CACNA2D1: variants seen among roughly 807,000 people sequenced by gnomAD.
CACNA2D1 encodes voltage-dependent calcium channel subunit alpha-2/delta-1.
A neutral mutation model predicts 171.5 loss-of-function variants in CACNA2D1; 53 were observed. The ratio of observed to expected loss-of-function variants is 0.31; its 90% CI spans 0.25 to 0.39. CACNA2D1 has a LOEUF of 0.39. CACNA2D1 is among the 10% of genes least tolerant of loss of function. CACNA2D1 has a pLI of 1.00. For missense variants in CACNA2D1, 903 were observed against 1,299.8 expected (o/e 0.69, Z 4.69); for synonymous variants, 442 against 443.1 (o/e 1.00, Z 0.03).
chr7:82,383,717 A>C (rs543421445), intron 1 of CACNA2D1, among the ~76,000 whole-genome samples: 1 of 152,320 alleles, frequency 6.6e-6, no homozygotes, highest in African/African-American at 2.4e-5. Context: ...ACCCACCTCC[A>C]CAGGAACTTT....
chr7:82,381,077 C>T (rs1248449307), intron 1 of CACNA2D1, among the ~76,000 whole-genome samples: 1 of 151,884 alleles, frequency 6.6e-6, no homozygotes, highest in African/African-American at 2.4e-5. Context: ...CTCTGGGAGG[C>T]CGAGGTGGGC....
chr7:82,185,483 GAGGA>G (rs569269949), intron 3 of CACNA2D1, among the ~76,000 whole-genome samples: 22 of 27,474 alleles, frequency 8.0e-4, no homozygotes, highest in South Asian at 2.5e-3. Context: ...GGGGGAGGGG[GAGGA>G]GGAGGGGGAG....
intron 5 of CACNA2D1, among the ~76,000 whole-genome samples, chr7:82,136,389 G>A (rs1244203815): frequency 6.6e-6 from 1 of 151,964 alleles, no homozygotes; most frequent in African/African-American, 2.4e-5. Flanking sequence ...GAGGACTGTG[G>A]TCTGGAAAAA....
intron 34 of CACNA2D1, among the ~76,000 whole-genome samples, chr7:81,963,115 C>T (rs1224769768): frequency 6.6e-6 from 1 of 151,768 alleles, no homozygotes; most frequent in Admixed American, 6.6e-5. Context: ...CCAAGTATTT[C>T]AGGGTCATGA....
chr7:82,198,068 G>A (rs1435659141), intron 3 of CACNA2D1, among the ~76,000 whole-genome samples: 2 of 152,010 alleles, frequency 1.3e-5, no homozygotes, highest in East Asian at 3.9e-4. Flanking sequence ...GGTCCCAGGA[G>A]AATGCCATTC....
Position 81,947,061 on chromosome 7 carries a change from T to A in CACNA2D1, c.*3331A>T, listed in dbSNP as rs759380564. ...TCCATTTTGTTTCACTAGGTCAGAC[T>A]ATACCATTAAACATTTGAACGTCTA... On this transcript the variant is annotated 3_prime_UTR_variant, in exon 39 of 39. Transcript: ENST00000356860. 5 of 152,030 alleles carry A rather than the reference T, an allele frequency of 3.3e-5. No homozygotes were observed. The highest frequency in any genetic ancestry group is 5.9e-5 in the Non-Finnish European group (4 of 67,934). 9.4% of individuals were successfully genotyped at this position (152,030 alleles called of 1,614,324 possible). A position where few individuals can be genotyped will look rare whatever the true frequency, so the allele number is the denominator to read the frequency against.
chr7:82,228,749 A>C (rs984330729), intron 3 of CACNA2D1, among the ~76,000 whole-genome samples: 1 of 152,074 alleles, frequency 6.6e-6, no homozygotes, highest in African/African-American at 2.4e-5. Context: ...CCCACTGCAA[A>C]CGTTTTATTA....
At chr7:82,156,825 A>G (rs1387180341) in intron 4 of CACNA2D1, among the ~76,000 whole-genome samples, 1 of 152,100 alleles carries the variant, frequency 6.6e-6, no homozygotes, top group Non-Finnish European at 1.5e-5. Flanking sequence ...TGCATTATTA[A>G]TCTGTCATGA....
rs116314234 is a variant in CACNA2D1, at chr7:82,241,898, T to C, written c.295-71289A>G. The stretch of plus-strand genomic sequence containing the variant: ...TGTCATTTTTCACAGTATGGTCCTA[T>C]TGAAAACCTTAACACAGAGAACATA... On this transcript the variant is annotated intron_variant, in intron 3 of 38. Coordinates refer to ENST00000356860, the MANE Select transcript of CACNA2D1 (RefSeq NM_000722.4). 3.0e-3 allele frequency among the ~76,000 whole-genome samples: 455 copies of C among 152,284 alleles called. 1 individual carries two copies. The highest frequency in any genetic ancestry group is 0.01 in the African/African-American group (420 of 41,576).
At position 82,217,634 on chromosome 7, in the gene CACNA2D1, T is replaced by TCACACA. The variant is rs71522607; in HGVS notation, c.295-47031_295-47026dup. 3.0e-3 allele frequency among the ~76,000 whole-genome samples: 420 copies of TCACACA among 140,228 alleles called. 1 individual carries two copies. The highest frequency in any genetic ancestry group is 0.011 in the African/African-American group (394 of 37,436). 92.0% of individuals were successfully genotyped at this position (140,228 alleles called of 152,430 possible). On this transcript the variant is annotated intron_variant, in intron 3 of 38. Coordinates refer to ENST00000356860, the MANE Select transcript of CACNA2D1 (RefSeq NM_000722.4). ...ATCTATCAACATTCATGGCACAGTT[T>TCACACA]CACACACACACACACACACACACAC...
intron 1 of CACNA2D1, among the ~76,000 whole-genome samples, chr7:82,404,200 A>G (rs960572432): frequency 9.2e-5 from 14 of 152,204 alleles, no homozygotes; most frequent in African/African-American, 3.4e-4. Context: ...TCTGGAGCCA[A>G]AAGAAAGACA....
chr7:82,247,877 G>A (rs1157959121), intron 3 of CACNA2D1, among the ~76,000 whole-genome samples: 7 of 152,274 alleles, frequency 4.6e-5, no homozygotes, highest in South Asian at 4.1e-4. Flanking sequence ...GGGGACGGGC[G>A]AAGTCCCTTA....
intron 1 of CACNA2D1, among the ~76,000 whole-genome samples, chr7:82,407,199 C>A (rs1827155559): frequency 6.6e-6 from 1 of 152,190 alleles, no homozygotes; most frequent in African/African-American, 2.4e-5. Flanking sequence ...AGAGAGCACA[C>A]ATATAAGGTG....
chr7:82,099,746 G>T (rs1194758499), intron 6 of CACNA2D1, among the ~76,000 whole-genome samples: 2 of 151,684 alleles, frequency 1.3e-5, no homozygotes, highest in African/African-American at 4.8e-5. Flanking sequence ...ACCGCGCCCG[G>T]CCGCAATACC....
intron 18 of CACNA2D1, among the ~76,000 whole-genome samples, chr7:82,000,807 T>TTTTTTTTTTTA (rs1199769802): frequency 1.2e-5 from 1 of 85,064 alleles, no homozygotes; most frequent in Non-Finnish European, 2.1e-5. Context: ...TTTTTTTTTT[T>TTTTTTTTTTTA]TTTTGTAGAG....
chr7:82,435,906 T>C (rs1034326980), intron 1 of CACNA2D1, among the ~76,000 whole-genome samples: 3 of 152,164 alleles, frequency 2.0e-5, no homozygotes, highest in Admixed American at 1.3e-4. Context: ...CTTAAGCCAA[T>C]AGCTACCAAC....
At position 82,042,677 on chromosome 7, in the gene CACNA2D1, T is replaced by C. The variant is rs541259480; in HGVS notation, c.880-4442A>G. On this transcript the variant is annotated intron_variant, in intron 10 of 38. Coordinates refer to ENST00000356860, the MANE Select transcript of CACNA2D1 (RefSeq NM_000722.4). ...GAGGGTTTGTATTTCTACTCCAGCA[T>C]TGGGGCATTCTTTCCTTTGCCCTTC... is the stretch of plus-strand genomic sequence containing the variant. 1.1e-3 allele frequency among the ~76,000 whole-genome samples: 165 copies of C among 152,222 alleles called. 2 individuals carry two copies. Among genetic ancestry groups the C allele is most frequent in the East Asian group, 3.1e-3 (16 of 5,176 alleles).
chr7:82,061,183 T>C (rs1030896542), intron 9 of CACNA2D1, among the ~76,000 whole-genome samples: 56 of 152,306 alleles, frequency 3.7e-4, no homozygotes, highest in Middle Eastern at 3.4e-3. Flanking sequence ...ATGTCCAAAA[T>C]GACACATTAC....
At chr7:82,284,554 A>G (rs1389114537) in intron 3 of CACNA2D1, among the ~76,000 whole-genome samples, 1 of 152,206 alleles carries the variant, frequency 6.6e-6, no homozygotes. Flanking sequence ...GCACCAGTAC[A>G]TTCAGTGTCT....
Sources: gnomAD v4.1 joint callset for allele counts (sites outside exome capture counted in the v4.1 genomes callset) on GRCh38, gnomAD v4.1.1 for gene constraint, MANE v1.5 for transcripts, NCBI Gene and HGNC (gene_info 2026-07-23, HGNC 2026-07-21) for gene names.